The following SMG6 variants were observed in gnomAD, a reference collection of about 807,000 sequenced individuals.
The protein encoded by SMG6 is SMG6 nonsense mediated mRNA decay factor.
Under a neutral mutation model 142.2 loss-of-function variants are expected in SMG6, and 66 were observed. The ratio of observed to expected loss-of-function variants is 0.46; its 90% CI spans 0.38 to 0.57. The LOEUF (loss-of-function observed/expected upper bound fraction) is 0.57. Ranked by LOEUF, SMG6 falls within the 20% of genes least tolerant of loss-of-function variation. SMG6 has a pLI of 0.00. For synonymous variants in SMG6, 779 were observed against 702.4 expected, an observed-to-expected ratio of 1.11 and a Z score of -1.72; for missense variants, 1,793 against 1,832.0, an observed-to-expected ratio of 0.98 and a Z score of 0.39.
intron 13 of SMG6, among the ~76,000 whole-genome samples, chr17:2,130,273 A>AAAAAAAAAAAAAAAAAAC (rs1175599124): frequency 2.1e-5 from 3 of 146,228 alleles, no homozygotes; most frequent in Non-Finnish European, 4.5e-5. Context: ...TCTCAAAAAA[A>AAAAAAAAAAAAAAAAAAC]AAAAAAAAAA....
intron 13 of SMG6, among the ~76,000 whole-genome samples, chr17:2,106,553 G>C (rs554241816): frequency 5.9e-5 from 9 of 152,228 alleles, no homozygotes; most frequent in African/African-American, 2.2e-4. Context: ...CATGACCAGA[G>C]AGGTCTTATG....
chr17:2,290,042 A>G (rs1386272882), intron 6 of SMG6, among the ~76,000 whole-genome samples: 1 of 151,844 alleles, frequency 6.6e-6, no homozygotes, highest in Non-Finnish European at 1.5e-5. Context: ...AAAGATGCAC[A>G]TCATTAGTTG....
At chr17:2,163,569 CTTA>C (rs1356236383) in intron 13 of SMG6, among the ~76,000 whole-genome samples, 5 of 152,142 alleles carry the variant, frequency 3.3e-5, no homozygotes, top group African/African-American at 1.2e-4. Context: ...GCTACATTTA[CTTA>C]TTATGAGAAT....
At chr17:2,145,799 A>G (rs560906826) in intron 13 of SMG6, among the ~76,000 whole-genome samples, 9 of 152,230 alleles carry the variant, frequency 5.9e-5, no homozygotes, top group African/African-American at 2.2e-4. Context: ...TCCATTCTGA[A>G]CTCAATTAGG....
rs1461709667 is a variant in SMG6, at chr17:2,071,852, G to A, written c.3682-2921C>T. The A allele has an allele frequency of 3.9e-5, 6 of 152,006 alleles. No homozygotes were observed. Among genetic ancestry groups the A allele is most frequent in the African/African-American group, 7.3e-5 (3 of 41,348 alleles). The allele number at this position is 152,006 out of a possible 1,614,324, so 9.4% of individuals were successfully genotyped here. A position where few individuals can be genotyped will look rare whatever the true frequency, so the allele number is the denominator to read the frequency against. On this transcript the variant is annotated intron_variant, in intron 15 of 18. Transcript: ENST00000263073. The surrounding 1 kb of genome is among the most constrained non-coding windows in gnomAD (Gnocchi z 5.6). ...CCCTTCTACGGGTGTCTGCATTTCC[G>A]GCCCTTTCTGAGTGGCGCTGTGTGT... is the stretch of plus-strand genomic sequence containing the variant.
chr17:2,060,769 A>G lies in SMG6; in HGVS notation c.*723T>C, dbSNP rs571406691. The G allele has an allele frequency of 1.3e-5, 2 of 152,364 alleles. No homozygotes were observed. Among genetic ancestry groups the G allele is most frequent in the East Asian group, 3.9e-4 (2 of 5,172 alleles). The allele number at this position is 152,364 out of a possible 1,614,324, so 9.4% of individuals were successfully genotyped here. A position where few individuals can be genotyped will look rare whatever the true frequency, so the allele number is the denominator to read the frequency against. ...CCCGAGAGCACGGGCCTGAGACCAG[A>G]TGCCCCTTTCCTCTAGACTCATGAC... On this transcript the variant is annotated 3_prime_UTR_variant, in exon 19 of 19. Transcript: ENST00000263073.
chr17:2,139,131 C>G (rs371122774), intron 13 of SMG6, among the ~76,000 whole-genome samples: 1 of 152,172 alleles, frequency 6.6e-6, no homozygotes, highest in South Asian at 2.1e-4. Context: ...CAGGTGAAGT[C>G]TGTTAAACCC....
chr17:2,248,276 A>G (rs2073966772), intron 8 of SMG6, among the ~76,000 whole-genome samples: 1 of 151,786 alleles, frequency 6.6e-6, no homozygotes, highest in Non-Finnish European at 1.5e-5. Context: ...CTTATCCTAC[A>G]CCTATCTCGG....
chr17:2,226,599 CA>C (rs894880317), intron 10 of SMG6, among the ~76,000 whole-genome samples: 2,972 of 139,408 alleles, frequency 0.021, 50 homozygotes, highest in Non-Finnish European at 0.031. Context: ...AACAAACAAA[CA>C]AAAAAAAAAC....
chr17:2,110,576 G>A (rs1487079508), intron 13 of SMG6, among the ~76,000 whole-genome samples: 1 of 152,058 alleles, frequency 6.6e-6, no homozygotes, highest in Non-Finnish European at 1.5e-5. Context: ...ACTCTGTGTT[G>A]GGGGGACTGA....
intron 8 of SMG6, among the ~76,000 whole-genome samples, chr17:2,273,411 A>T (rs6502154): frequency 6.6e-6 from 1 of 151,952 alleles, no homozygotes; most frequent in Non-Finnish European, 1.5e-5. Flanking sequence ...CTGTAATCCC[A>T]GCACTTTGGG....
intron 16 of SMG6, chr17:2,066,164 G>C (rs11658953): frequency 6.0e-6 from 1 of 166,392 alleles, no homozygotes; most frequent in Non-Finnish European, 1.3e-5. Flanking sequence ...ATGGAGGAAG[G>C]GGCAGTCACA....
intron 13 of SMG6, among the ~76,000 whole-genome samples, chr17:2,135,514 T>C (rs1178497826): frequency 6.6e-6 from 1 of 152,138 alleles, no homozygotes. Context: ...TTATACTTAG[T>C]GACTTTATCA....
intron 13 of SMG6, among the ~76,000 whole-genome samples, chr17:2,094,359 T>C (rs533626204): frequency 2.6e-5 from 4 of 152,130 alleles, no homozygotes; most frequent in African/African-American, 9.6e-5. Context: ...CAAGAGATTC[T>C]TCCTAAGTAG....
In SMG6 at chr17:2,299,869, T is replaced by G; in HGVS notation, c.884A>C (p.Gln295Pro). The change falls in exon 2 of 19, where the codon CAA becomes CCA. Residue 295 changes from glutamine to proline, a missense_variant. Around this residue, in one of 3 missense-constraint regions of SMG6, gnomAD observed 1,597 missense variants for 1,584.6 expected, o/e 1.01. Transcript: ENST00000263073. This position sits in a 1 kb window ranked among gnomAD's most constrained non-coding sequence, Gnocchi z 4.3. ...GGAATCGGTTGAGGACACAGACACT[T>G]GCTTCTTCAGTCGTGGCCTCTCCTT... ...RTKERPRLKKQVSVSSTDSLD... is the reference protein window; with the variant it reads ...RTKERPRLKKPVSVSSTDSLD... The G allele has an allele frequency of 1.2e-6, 2 of 1,614,112 alleles. No individual in the cohort carries two copies. Among genetic ancestry groups the G allele is most frequent in the Non-Finnish European group, 1.7e-6 (2 of 1,179,958 alleles).
At chr17:2,232,351 G>A (rs1327643664) in intron 10 of SMG6, among the ~76,000 whole-genome samples, 1 of 152,208 alleles carries the variant, frequency 6.6e-6, no homozygotes, top group Non-Finnish European at 1.5e-5. Flanking sequence ...GGCACGTGGA[G>A]AAAGCCCTTC....
intron 9 of SMG6, among the ~76,000 whole-genome samples, chr17:2,240,748 G>A (rs560412576): frequency 1.3e-5 from 2 of 152,360 alleles, no homozygotes; most frequent in East Asian, 3.9e-4. Context: ...CTCTGCTGAC[G>A]CAGTGTGGAG....
chr17:2,284,450 GA>G (rs2074860005), intron 6 of SMG6, among the ~76,000 whole-genome samples: 1 of 152,092 alleles, frequency 6.6e-6, no homozygotes, highest in African/African-American at 2.4e-5. Flanking sequence ...GGGAAAAGAA[GA>G]AGTAAAGAAA....
chr17:2,082,831 G>A (rs1205851987), intron 14 of SMG6, among the ~76,000 whole-genome samples: 1 of 152,206 alleles, frequency 6.6e-6, no homozygotes, highest in East Asian at 1.9e-4. Context: ...TTAGTAGAAG[G>A]TTCCTGTTTC....
Sources: allele counts gnomAD v4.1 joint callset (sites outside exome capture counted in the v4.1 genomes callset), GRCh38; gene constraint gnomAD v4.1.1; regional missense constraint gnomAD v4.1.1; non-coding constraint Gnocchi (gnomAD v3.1); transcripts MANE v1.5; gene names NCBI Gene and HGNC (gene_info 2026-07-23, HGNC 2026-07-21).